Variants in NR5A2 observed in about 807,000 individuals in gnomAD.
NR5A2 encodes the protein CYP7A promoter-binding factor.
A neutral mutation model predicts 62.7 loss-of-function variants in NR5A2; 26 were observed. That is an observed-to-expected ratio of 0.41 (90% confidence interval 0.30 to 0.58). NR5A2 has a LOEUF of 0.58. Among genes scored for constraint, NR5A2 ranks in the 20% least tolerant of loss-of-function variants. The pLI is 0.22. For synonymous variants in NR5A2, 246 were observed against 241.7 expected, an observed-to-expected ratio of 1.02 and a Z score of -0.16; for missense variants, 541 against 669.1, an observed-to-expected ratio of 0.81 and a Z score of 2.11.
At chr1:200,133,211 A>T (rs913640814) in intron 7 of NR5A2, among the ~76,000 whole-genome samples, 1 of 152,110 alleles carries the variant, frequency 6.6e-6, no homozygotes, top group Non-Finnish European at 1.5e-5. Context: ...AACGTGGGGA[A>T]TGTACATTGC....
chr1:200,087,982 C>T (rs995929258), intron 5 of NR5A2, among the ~76,000 whole-genome samples: 15 of 152,104 alleles, frequency 9.9e-5, no homozygotes, highest in African/African-American at 2.2e-4. Context: ...AACTCCTGAT[C>T]GTAGGTGATC....
intron 5 of NR5A2, among the ~76,000 whole-genome samples, chr1:200,102,646 C>G (rs747268946): frequency 1.3e-5 from 2 of 152,178 alleles, no homozygotes; most frequent in Non-Finnish European, 2.9e-5. Flanking sequence ...TTTTACTTCC[C>G]TTTACTCCCA....
At chr1:200,081,242 G>A (rs560895721) in intron 5 of NR5A2, among the ~76,000 whole-genome samples, 1 of 152,334 alleles carries the variant, frequency 6.6e-6, no homozygotes, top group African/African-American at 2.4e-5. Context: ...ACACAGGCAT[G>A]CTTTTCAATC....
At chr1:200,056,201 T>C (rs922856686) in intron 5 of NR5A2, among the ~76,000 whole-genome samples, 8 of 152,222 alleles carry the variant, frequency 5.3e-5, no homozygotes, top group African/African-American at 1.9e-4. Flanking sequence ...CTTCTGAGCT[T>C]TCTTCTTGCT....
chr1:200,141,814 C>T (rs913424143), intron 7 of NR5A2, among the ~76,000 whole-genome samples: 4 of 152,214 alleles, frequency 2.6e-5, no homozygotes, highest in African/African-American at 7.2e-5. Flanking sequence ...AGTCTCTTAA[C>T]ACTTGGGAAG....
Position 200,039,706 on chromosome 1 carries a change from G to T in NR5A2, c.113G>T (p.Arg38Leu), listed in dbSNP as rs777779964. Residue 38 changes from arginine (R) to leucine (L), a missense_variant, in exon 2 of 8, where the codon CGC becomes CTC. This residue lies in a region of NR5A2 where 108 missense variants were observed against 103.3 expected (regional missense o/e 1.05). Transcript: ENST00000367362. The surrounding 1 kb of genome is among the most constrained non-coding windows in gnomAD (Gnocchi z 5.1). ...GGATCCCCCATCCCCGCCCGCGGTC[G>T]CCTTGTCATGCTGCCCAAAGTGGAG... Reference protein sequence around the residue: ...RHGSPIPARGRLVMLPKVETE... With the variant: ...RHGSPIPARGLLVMLPKVETE... 1.9e-6 allele frequency: 3 copies of T among 1,611,434 alleles called. No homozygotes were observed. The highest frequency in any genetic ancestry group is 3.3e-5 in the Admixed American group (2 of 59,912).
At chr1:200,034,276 A>G (rs1046575102) in intron 1 of NR5A2, among the ~76,000 whole-genome samples, 3 of 152,164 alleles carry the variant, frequency 2.0e-5, no homozygotes, top group Non-Finnish European at 2.9e-5. Flanking sequence ...TGGAGTCCCA[A>G]TAGTTTTGAA....
intron 7 of NR5A2, 79 bp downstream of exon 7, chr1:200,121,034 GTA>G (rs1177854896): frequency 6.7e-7 from 1 of 1,486,822 alleles, no homozygotes; most frequent in Non-Finnish European, 9.3e-7. Flanking sequence ...TGTGGTCCAT[GTA>G]TGTTTTTGTT....
chr1:200,081,431 G>C (rs978248155), intron 5 of NR5A2, among the ~76,000 whole-genome samples: 1 of 152,124 alleles, frequency 6.6e-6, no homozygotes, highest in African/African-American at 2.4e-5. Flanking sequence ...TCAAATCAAA[G>C]CATACCACAT....
intron 6 of NR5A2, among the ~76,000 whole-genome samples, chr1:200,112,975 T>C (rs147551707): frequency 6.6e-6 from 1 of 152,214 alleles, no homozygotes; most frequent in African/African-American, 2.4e-5. Context: ...ATTTCTTATT[T>C]CACATTTCAT....
intron 7 of NR5A2, among the ~76,000 whole-genome samples, chr1:200,132,035 A>G (rs1050496925): frequency 1.8e-4 from 28 of 152,090 alleles, no homozygotes; most frequent in African/African-American, 6.8e-4. Flanking sequence ...TTTGTTTGAG[A>G]TGGAGTCTCT....
chr1:200,086,616 T>G (rs188205685), intron 5 of NR5A2, among the ~76,000 whole-genome samples: 95 of 152,306 alleles, frequency 6.2e-4, no homozygotes, highest in Non-Finnish European at 1.1e-3. Flanking sequence ...TTCTGGAAAC[T>G]TTTTTAGAAA....
At chr1:200,149,762 G>T (rs1667901337) in intron 7 of NR5A2, among the ~76,000 whole-genome samples, 1 of 152,148 alleles carries the variant, frequency 6.6e-6, no homozygotes, top group Non-Finnish European at 1.5e-5. Context: ...ATCCTGCATT[G>T]CTTTTATATC....
chr1:200,172,435 C>A (rs1654225260), intron 7 of NR5A2, among the ~76,000 whole-genome samples: 1 of 152,156 alleles, frequency 6.6e-6, no homozygotes, highest in Non-Finnish European at 1.5e-5. Flanking sequence ...ACTCAGAGCT[C>A]CTTATTGTGT....
intron 1 of NR5A2, among the ~76,000 whole-genome samples, chr1:200,036,336 G>A (rs1394886449): frequency 1.1e-4 from 16 of 152,210 alleles, no homozygotes. Flanking sequence ...GCCCAGACCC[G>A]TCCAAGGTCA....
chr1:200,131,939 A>G (rs1005965988), intron 7 of NR5A2, among the ~76,000 whole-genome samples: 1 of 152,254 alleles, frequency 6.6e-6, no homozygotes, highest in African/African-American at 2.4e-5. Context: ...GTATTGAAAC[A>G]TTAAATCACA....
At chr1:200,130,315 GAAGAAGAAA>G (rs939023723) in intron 7 of NR5A2, among the ~76,000 whole-genome samples, 11 of 20,248 alleles carry the variant, frequency 5.4e-4, no homozygotes, top group African/African-American at 1.3e-3. Context: ...AGAAGAAGAA[GAAGAAGAAA>G]AAAAAAATCC....
intron 5 of NR5A2, among the ~76,000 whole-genome samples, chr1:200,062,183 G>T (rs1663252496): frequency 6.7e-6 from 1 of 150,356 alleles, no homozygotes; most frequent in Non-Finnish European, 1.5e-5. Flanking sequence ...ACAATTATCT[G>T]CATGCACAAG....
chr1:200,035,158 T>C (rs1661718302), intron 1 of NR5A2, among the ~76,000 whole-genome samples: 3 of 151,986 alleles, frequency 2.0e-5, no homozygotes, highest in Admixed American at 2.0e-4. Context: ...GGCCTAGTAA[T>C]GGAGATCTGA....
Sources: gnomAD v4.1 joint callset for allele counts (sites outside exome capture counted in the v4.1 genomes callset) on GRCh38, gnomAD v4.1.1 for gene constraint, gnomAD v4.1.1 regional missense constraint, Gnocchi (gnomAD v3.1) non-coding constraint, MANE v1.5 for transcripts, NCBI Gene and HGNC (gene_info 2026-07-23, HGNC 2026-07-21) for gene names.